DACH2: variants seen among roughly 807,000 people sequenced by gnomAD.
DACH2 encodes dachshund homolog 2.
Under a neutral mutation model 35.8 loss-of-function variants are expected in DACH2, and 17 were observed. The observed-to-expected ratio is 0.48, with a 90% CI of 0.33 to 0.71. The LOEUF (loss-of-function observed/expected upper bound fraction) is 0.71. Among genes scored for constraint, DACH2 ranks in the 30% least tolerant of loss-of-function variants. DACH2 has a pLI of 0.02. For synonymous variants in DACH2, 195 were observed against 177.3 expected (o/e 1.10, Z -0.79); for missense variants, 469 against 472.7 (o/e 0.99, Z 0.07).
intron 1 of DACH2, among the ~76,000 whole-genome samples, chrX:86,350,026 T>C (rs35567382): frequency 0.042 from 4,673 of 110,698 alleles, 117 homozygotes; most frequent in East Asian, 0.21. Context: ...AAATTAGCCG[T>C]GCCTGATGGC....
At chrX:86,576,574 C>T (rs1228618042) in intron 3 of DACH2, among the ~76,000 whole-genome samples, 1 of 111,170 alleles carries the variant, frequency 9.0e-6, no homozygotes, top group African/African-American at 3.3e-5. Flanking sequence ...TTCAAAGCAA[C>T]ATTTAAAAAT....
chrX:86,340,458 G>A (rs1293979901), intron 1 of DACH2, among the ~76,000 whole-genome samples: 1 of 111,017 alleles, frequency 9.0e-6, no homozygotes, highest in Non-Finnish European at 1.9e-5. Context: ...TGTTCTCATC[G>A]CTCCACTGAT....
chrX:86,441,910 T>C (rs2037170022), intron 2 of DACH2, among the ~76,000 whole-genome samples: 1 of 107,431 alleles, frequency 9.3e-6, no homozygotes, highest in South Asian at 4.0e-4. Context: ...AGTGACAGGG[T>C]CTTGCTCTGT....
rs573911312 is a variant in DACH2, at chrX:86,636,861, A to G, written c.641-14175A>G. On this transcript the variant is annotated intron_variant, in intron 3 of 11. Transcript: ENST00000373125. ...CAACAAAAACAAAAATTGACAAATG[A>G]GATTTAATTAAACTAAGAGCTTCTG... is the stretch of plus-strand genomic sequence containing the variant. Among the ~76,000 whole-genome samples the G allele has an allele frequency of 2.4e-4, 27 of 110,341 alleles. No homozygotes were observed. In the South Asian group the frequency reaches 9.3e-3, roughly 38 times the overall value.
chrX:86,210,514 T>C (rs1465852772), intron 1 of DACH2, among the ~76,000 whole-genome samples: 1 of 111,907 alleles, frequency 8.9e-6, no homozygotes, highest in Admixed American at 9.5e-5. Flanking sequence ...TGTTAGTCTA[T>C]GGACTTTGGT....
intron 3 of DACH2, among the ~76,000 whole-genome samples, chrX:86,540,411 T>A (rs1382864921): frequency 1.8e-5 from 2 of 112,062 alleles, no homozygotes; most frequent in African/African-American, 3.2e-5. Flanking sequence ...CCAAAAAAAA[T>A]ATGCATCACA....
chrX:86,622,065 C>T (rs1179591936), intron 3 of DACH2, among the ~76,000 whole-genome samples: 2 of 111,055 alleles, frequency 1.8e-5, no homozygotes, highest in African/African-American at 6.5e-5. Flanking sequence ...AACTTGTTTA[C>T]AACTAATACT....
intron 1 of DACH2, among the ~76,000 whole-genome samples, chrX:86,328,234 T>A (rs1014308449): frequency 4.5e-5 from 5 of 111,510 alleles, no homozygotes; most frequent in Non-Finnish European, 9.4e-5. Flanking sequence ...AGAACGAAAA[T>A]CTTAGTCTAG....
At chrX:86,703,849 T>C (rs1450689460) in intron 5 of DACH2, among the ~76,000 whole-genome samples, 5 of 111,580 alleles carry the variant, frequency 4.5e-5, no homozygotes, top group African/African-American at 1.3e-4. Context: ...TGCTCATGGA[T>C]TGGAAGAATC....
At chrX:86,634,897 A>G (rs894370706) in intron 3 of DACH2, among the ~76,000 whole-genome samples, 9 of 111,653 alleles carry the variant, frequency 8.1e-5, no homozygotes, top group Middle Eastern at 4.6e-3. Context: ...AATCTTTATC[A>G]AAATATCAAA....
At chrX:86,346,309 C>A (rs190137686) in intron 1 of DACH2, among the ~76,000 whole-genome samples, 6 of 107,521 alleles carry the variant, frequency 5.6e-5, no homozygotes, top group African/African-American at 2.0e-4. Context: ...TTAGCAAAAA[C>A]CAAATAATTT....
At chrX:86,541,784 T>C (rs1382896862) in intron 3 of DACH2, among the ~76,000 whole-genome samples, 1 of 111,733 alleles carries the variant, frequency 8.9e-6, no homozygotes, top group Non-Finnish European at 1.9e-5. Flanking sequence ...TTACTCTGAT[T>C]TTGTAAATGA....
chrX:86,329,404 T>A lies in DACH2; in HGVS notation c.489-47420T>A, dbSNP rs114736582. Among the ~76,000 whole-genome samples the A allele has an allele frequency of 5.8e-3, 641 of 110,942 alleles. 4 individuals are homozygous for A. Among genetic ancestry groups the A allele is most frequent in the African/African-American group, 0.02 (612 of 30,541 alleles). On this transcript the variant is annotated intron_variant, in intron 1 of 11. Coordinates refer to ENST00000373125, the MANE Select transcript of DACH2 (RefSeq NM_053281.3). ...TTAACAGCATGTAAACAAAGTGAGA[T>A]GTGAAGTATGCTTCCCTGCTCCCCT...
intron 3 of DACH2, among the ~76,000 whole-genome samples, chrX:86,606,402 T>G (rs758570524): frequency 1.8e-5 from 2 of 110,447 alleles, no homozygotes; most frequent in South Asian, 7.5e-4. Context: ...TATCATTTGT[T>G]TCAAGAAATT....
At chrX:86,427,141 C>T (rs771592460) in intron 2 of DACH2, among the ~76,000 whole-genome samples, 2 of 111,403 alleles carry the variant, frequency 1.8e-5, no homozygotes, top group African/African-American at 6.5e-5. Flanking sequence ...TTACTCCTAC[C>T]TGAGCCAGAC....
intron 2 of DACH2, among the ~76,000 whole-genome samples, chrX:86,432,160 C>T (rs1479822159): frequency 8.9e-6 from 1 of 112,022 alleles, no homozygotes; most frequent in Non-Finnish European, 1.9e-5. Flanking sequence ...CTACAAAGTC[C>T]CCAAAGTCAG....
chrX:86,724,817 A>G (rs2041446699), intron 6 of DACH2, among the ~76,000 whole-genome samples: 2 of 110,985 alleles, frequency 1.8e-5, no homozygotes, highest in Admixed American at 9.6e-5. Flanking sequence ...TCGGAAACAC[A>G]GATAATTCTT....
intron 2 of DACH2, among the ~76,000 whole-genome samples, chrX:86,443,874 T>C (rs916013917): frequency 3.6e-5 from 4 of 111,693 alleles, no homozygotes; most frequent in African/African-American, 1.3e-4. Context: ...ACTAATATTT[T>C]TAATGTGCTG....
At chrX:86,476,841 A>G (rs1235274403) in intron 2 of DACH2, among the ~76,000 whole-genome samples, 7 of 110,185 alleles carry the variant, frequency 6.4e-5, no homozygotes, top group Admixed American at 4.9e-4. Context: ...GTTTTTGTAT[A>G]TTGTGTTTTC....
Sources: gnomAD v4.1 joint callset for allele counts (sites outside exome capture counted in the v4.1 genomes callset) on GRCh38, gnomAD v4.1.1 for gene constraint, MANE v1.5 for transcripts, NCBI Gene and HGNC (gene_info 2026-07-23, HGNC 2026-07-21) for gene names.